NIBAN2: variants seen among roughly 807,000 people sequenced by gnomAD.
NIBAN2 encodes the protein protein Niban 2.
A neutral mutation model predicts 81.8 loss-of-function variants in NIBAN2; 36 were observed. The observed-to-expected ratio is 0.44, with a 90% CI of 0.34 to 0.58. The LOEUF is 0.58. Among genes scored for constraint, NIBAN2 ranks in the 20% least tolerant of loss-of-function variants. NIBAN2 has a pLI of 0.02. For missense variants in NIBAN2, 897 were observed against 1,014.1 expected (o/e 0.88, Z 1.57); for synonymous variants, 445 against 441.6 (o/e 1.01, Z -0.10).
chr9:127,539,490 G>C (rs1275192759), intron 1 of NIBAN2, among the ~76,000 whole-genome samples: 1 of 152,240 alleles, frequency 6.6e-6, no homozygotes, highest in Non-Finnish European at 1.5e-5. Flanking sequence ...CTGAGGTCTA[G>C]GGTTTCCAGC....
At chr9:127,550,970 G>A (rs1430676739) in intron 1 of NIBAN2, among the ~76,000 whole-genome samples, 21 of 152,152 alleles carry the variant, frequency 1.4e-4, no homozygotes. Flanking sequence ...CTGGGCCGGT[G>A]AAAGGCCTGG....
intron 9 of NIBAN2, 76 bp from the exon 10 acceptor site, chr9:127,509,207 G>T: frequency 1.4e-6 from 2 of 1,421,096 alleles, no homozygotes; most frequent in Non-Finnish European, 1.9e-6. Context: ...ACTTTGCCTG[G>T]GTCCTCGAAG....
intron 1 of NIBAN2, among the ~76,000 whole-genome samples, chr9:127,552,746 T>C (rs187598158): frequency 1.4e-5 from 2 of 139,712 alleles, no homozygotes; most frequent in Non-Finnish European, 3.0e-5. Flanking sequence ...TGGAGTATAG[T>C]GGTGTGATCT....
chr9:127,523,183 AAAAAAAAAAATATATATATATATAT>A (rs1836978411), intron 5 of NIBAN2, among the ~76,000 whole-genome samples: 2 of 35,736 alleles, frequency 5.6e-5, no homozygotes, highest in South Asian at 1.1e-3. Flanking sequence ...AAAAAAAAAA[AAAAAAAAAAATATATATATATATAT>A]ATATATATAT....
intron 5 of NIBAN2, among the ~76,000 whole-genome samples, chr9:127,519,367 T>C (rs999348424): frequency 1.3e-5 from 2 of 152,098 alleles, no homozygotes; most frequent in African/African-American, 2.4e-5. Flanking sequence ...TTACAAAATC[T>C]GACTTGGGGT....
At chr9:127,553,151 C>A (rs1837608824) in intron 1 of NIBAN2, among the ~76,000 whole-genome samples, 1 of 152,118 alleles carries the variant, frequency 6.6e-6, no homozygotes, top group South Asian at 2.1e-4. Flanking sequence ...CTGTTATTTT[C>A]TAATTTTCTT....
chr9:127,527,205 C>T lies in NIBAN2; in HGVS notation c.304G>A (p.Glu102Lys), dbSNP rs547821680. The T allele has an allele frequency of 7.2e-5, 116 of 1,613,588 alleles. No individual in the cohort carries two copies. Among genetic ancestry groups the T allele is most frequent in the Non-Finnish European group, 9.2e-5 (109 of 1,179,996 alleles). ...GGGCCAGGCCTCACCGCTTTGTTTT[C>T]GTAGAGCACCAGCCCGTAGTTGTGG... ...VPHNYGLVLYENKAAYERQVP... is the reference protein window; with the variant it reads ...VPHNYGLVLYKNKAAYERQVP... Residue 102 changes from glutamate to lysine, a missense_variant, in exon 3 of 14, where the codon GAA (glutamate) becomes AAA (lysine). By Grantham distance (56) the Glu-to-Lys change is moderately conservative. This residue lies in a region of NIBAN2 where 209 missense variants were observed against 208.4 expected (regional missense o/e 1.00). Transcript: ENST00000373312.
intron 1 of NIBAN2, among the ~76,000 whole-genome samples, chr9:127,578,335 A>G (rs961089927): frequency 7.2e-6 from 1 of 139,030 alleles, no homozygotes; most frequent in Non-Finnish European, 1.5e-5. Context: ...AGCCTGGGCA[A>G]CAGAGTGAGA....
At position 127,506,743 on chromosome 9, in the gene NIBAN2, C is replaced by T; in HGVS notation, c.*102G>A. ...GTGCCACACAGCCCTGCCCCGCCTC[C>T]ACCCACAAGGCACAGACCAGGGTGC... is the stretch of plus-strand genomic sequence containing the variant. On this transcript the variant is annotated 3_prime_UTR_variant, in exon 14 of 14. Transcript: ENST00000373312. 1.8e-6 allele frequency: 2 copies of T among 1,120,830 alleles called. No individual in the cohort carries two copies. The highest frequency in any genetic ancestry group is 2.5e-6 in the Non-Finnish European group (2 of 802,134). 69.4% of individuals were successfully genotyped at this position (1,120,830 alleles called of 1,614,324 possible). A position where few individuals can be genotyped will look rare whatever the true frequency, so the allele number is the denominator to read the frequency against.
chr9:127,512,484 AC>A (rs1358113157), intron 8 of NIBAN2, among the ~76,000 whole-genome samples: 1 of 151,992 alleles, frequency 6.6e-6, no homozygotes, highest in Non-Finnish European at 1.5e-5. Context: ...ACGGGGTTTC[AC>A]CATGTTGGCC....
At chr9:127,577,983 A>G (rs368643407) in intron 1 of NIBAN2, among the ~76,000 whole-genome samples, 50 of 151,822 alleles carry the variant, frequency 3.3e-4, no homozygotes, top group African/African-American at 1.1e-3. Flanking sequence ...AATGTCAGGA[A>G]TTTGAGACCA....
At chr9:127,512,054 T>A (rs1224891666) in intron 8 of NIBAN2, among the ~76,000 whole-genome samples, 1 of 152,210 alleles carries the variant, frequency 6.6e-6, no homozygotes, top group Non-Finnish European at 1.5e-5. Flanking sequence ...AAAGTCAAGC[T>A]GGGAATTGCT....
intron 2 of NIBAN2, 36 bp downstream of exon 2, chr9:127,531,612 A>T (rs1457574387): frequency 6.3e-7 from 1 of 1,599,498 alleles, no homozygotes; most frequent in East Asian, 2.2e-5. Flanking sequence ...GGCGAGAAGT[A>T]GCAGAACATA....
At chr9:127,551,375 T>A (rs1837572401) in intron 1 of NIBAN2, among the ~76,000 whole-genome samples, 1 of 151,716 alleles carries the variant, frequency 6.6e-6, no homozygotes, top group Non-Finnish European at 1.5e-5. Context: ...ACACAAAAAT[T>A]AGCTGGGTAC....
In NIBAN2 at chr9:127,507,212, A is replaced by G. The variant is rs372906105; in HGVS notation, c.1874T>C (p.Val625Ala). Residue 625 changes from valine (V) to alanine (A), a missense_variant, in exon 14 of 14, where the codon GTG (valine) becomes GCG (alanine). Physicochemically the swap from Val to Ala is moderately conservative, Grantham distance 64. This residue lies in a region of NIBAN2 where 619 missense variants were observed against 691.0 expected (regional missense o/e 0.90). Coordinates refer to ENST00000373312, the MANE Select transcript of NIBAN2 (RefSeq NM_022833.4). The surrounding 1 kb of genome is among the most constrained non-coding windows in gnomAD (Gnocchi z 6.8). ...KRRRAKQVVS[V>A]VQDEEVGLPF... ...CAGCCCCACCTCCTCATCCTGGACC[A>G]CAGAGACCACCTGCTTGGCGCGCCG... is the stretch of plus-strand genomic sequence containing the variant. The G allele has an allele frequency of 2.4e-5, 38 of 1,612,636 alleles. No individual in the cohort carries two copies. The African/African-American group carries it at 4.4e-4, about 19-fold the overall frequency.
intron 1 of NIBAN2, among the ~76,000 whole-genome samples, chr9:127,557,377 G>A (rs553834951): frequency 6.6e-6 from 1 of 152,270 alleles, no homozygotes; most frequent in Non-Finnish European, 1.5e-5. Flanking sequence ...TTGGAGGAGA[G>A]GCAGGAGTTC....
chr9:127,562,330 A>G (rs1439095513), intron 1 of NIBAN2, among the ~76,000 whole-genome samples: 3 of 152,156 alleles, frequency 2.0e-5, no homozygotes, highest in Non-Finnish European at 4.4e-5. Flanking sequence ...GGACTATCCG[A>G]TCCAGGCCTG....
At chr9:127,551,518 G>C (rs1272130535) in intron 1 of NIBAN2, among the ~76,000 whole-genome samples, 1 of 150,530 alleles carries the variant, frequency 6.6e-6, no homozygotes, top group Admixed American at 6.6e-5. Context: ...GCGAGACTCT[G>C]TCTCAAAAAT....
chr9:127,522,896 C>G (rs908558075), intron 5 of NIBAN2, among the ~76,000 whole-genome samples: 41 of 152,034 alleles, frequency 2.7e-4, no homozygotes, highest in African/African-American at 9.9e-4. Context: ...CACCCAGCAC[C>G]CAGCACAGCT....
Sources: allele counts gnomAD v4.1 joint callset (sites outside exome capture counted in the v4.1 genomes callset), GRCh38; gene constraint gnomAD v4.1.1; regional missense constraint gnomAD v4.1.1; non-coding constraint Gnocchi (gnomAD v3.1); transcripts MANE v1.5; gene names NCBI Gene and HGNC (gene_info 2026-07-23, HGNC 2026-07-21).